SLC4A7: variants seen among roughly 807,000 people sequenced by gnomAD.
SLC4A7 encodes the protein solute carrier family 4 member 7.
SLC4A7 carries 51 observed loss-of-function variants against 137.6 expected under a neutral mutation model. The observed-to-expected ratio is 0.37, with a 90% CI of 0.30 to 0.47. SLC4A7 has a LOEUF of 0.47. Among genes scored for constraint, SLC4A7 ranks in the 20% least tolerant of loss-of-function variants. The pLI is 1.00. For synonymous variants in SLC4A7, 542 were observed against 518.6 expected (o/e 1.05, Z -0.61); for missense variants, 1,247 against 1,525.4 (o/e 0.82, Z 3.04).
At chr3:27,449,068 G>GT (rs1463519983) in intron 2 of SLC4A7, among the ~76,000 whole-genome samples, 6 of 150,868 alleles carry the variant, frequency 4.0e-5, no homozygotes, top group African/African-American at 1.5e-4. Flanking sequence ...TTTTGTTTTT[G>GT]TTTTTGTATT....
chr3:27,482,596 C>T (rs2059760926), intron 1 of SLC4A7, among the ~76,000 whole-genome samples: 1 of 152,026 alleles, frequency 6.6e-6, no homozygotes, highest in Non-Finnish European at 1.5e-5. Context: ...CATGGCAAAA[C>T]CCCGTCTCTA....
intron 8 of SLC4A7, 69 bp from the exon 9 acceptor site, chr3:27,421,848 G>A (rs2055012880): frequency 2.6e-6 from 3 of 1,172,996 alleles, no homozygotes; most frequent in South Asian, 1.5e-5. Context: ...AAACAGGAAA[G>A]AAAAACTGCT....
chr3:27,470,986 G>GA (rs1325492383), intron 1 of SLC4A7, among the ~76,000 whole-genome samples: 6 of 151,982 alleles, frequency 3.9e-5, no homozygotes, highest in African/African-American at 1.4e-4. Flanking sequence ...GCAAACCCTG[G>GA]AAAGAAACAC....
rs142027495 is a variant in SLC4A7 at position 27,424,069 on chromosome 3, T to C, written c.1234A>G (p.Ser412Gly). 2.5e-6 allele frequency: 4 copies of C among 1,609,188 alleles called. No homozygotes were observed. Among genetic ancestry groups the C allele is most frequent in the African/African-American group, 2.7e-5 (2 of 74,788 alleles). ...AAGTCAACAGTACTATTTTCTCTGC[T>C]TCCACCACTTCCATTACCTTTAATT... ...GEIKGNGSGG[S>G]RENSTVDFSK... The change falls in exon 8 of 26, where the codon AGC (serine) becomes GGC (glycine). Residue 412 changes from serine to glycine, a missense_variant. This residue lies in a region of SLC4A7 where 499 missense variants were observed against 664.2 expected (regional missense o/e 0.75). Coordinates refer to ENST00000454389, the MANE Select transcript of SLC4A7 (RefSeq NM_001321103.2).
intron 1 of SLC4A7, among the ~76,000 whole-genome samples, chr3:27,471,303 T>TA (rs2059236136): frequency 6.6e-6 from 1 of 152,216 alleles, no homozygotes; most frequent in Admixed American, 6.5e-5. Context: ...ATTTGGGGTA[T>TA]ATCCTTCCTG....
At chr3:27,385,828 C>T in intron 23 of SLC4A7, 64 bp downstream of exon 23, 1 of 1,129,944 alleles carries the variant, frequency 8.8e-7, no homozygotes, top group Non-Finnish European at 1.3e-6. Context: ...ATAATGGTGC[C>T]TGCAATATGG....
chr3:27,384,611 A>G (rs1011633650), intron 23 of SLC4A7, among the ~76,000 whole-genome samples: 2 of 152,182 alleles, frequency 1.3e-5, no homozygotes, highest in Non-Finnish European at 2.9e-5. Flanking sequence ...AGTAACAAAC[A>G]GGCAATTTGG....
chr3:27,413,254 T>C (rs1576304729), intron 11 of SLC4A7, among the ~76,000 whole-genome samples: 2 of 152,276 alleles, frequency 1.3e-5, no homozygotes, highest in Admixed American at 6.5e-5. Flanking sequence ...GTTTTACATA[T>C]ACCAATTTCC....
Position 27,429,133 on chromosome 3 carries a change from G to T in SLC4A7, c.1150+2165C>A, listed in dbSNP as rs528200542. Among the ~76,000 whole-genome samples, 70 of 152,046 alleles carry T rather than the reference G, an allele frequency of 4.6e-4. 1 individual carries two copies. Among genetic ancestry groups the T allele is most frequent in the African/African-American group, 1.6e-3 (67 of 41,474 alleles). On this transcript the variant is annotated intron_variant, in intron 7 of 25. Coordinates refer to ENST00000454389, the MANE Select transcript of SLC4A7 (RefSeq NM_001321103.2). ...ATACAAAAATTAGCCAGGCGTGGTG[G>T]TGCATGCCTGTAGTCCCAGCTACTT...
chr3:27,438,229 G>A (rs1012004077), intron 3 of SLC4A7, among the ~76,000 whole-genome samples: 8 of 150,572 alleles, frequency 5.3e-5, no homozygotes, highest in Non-Finnish European at 8.9e-5. Flanking sequence ...AAATGTGGCC[G>A]GGCACAGTGG....
Position 27,468,309 on chromosome 3 carries a change from T to C in SLC4A7, c.60+15758A>G, listed in dbSNP as rs537704886. On this transcript the variant is annotated intron_variant, in intron 1 of 25. Coordinates refer to ENST00000454389, the MANE Select transcript of SLC4A7 (RefSeq NM_001321103.2). ...TAATTAATGACATAATCCAAAAAAT[T>C]ATCTCCATAAGTTGTATATTAGGAT... 1.5e-3 allele frequency among the ~76,000 whole-genome samples: 225 copies of C among 152,302 alleles called. 1 individual carries two copies. The highest frequency in any genetic ancestry group is 2.1e-3 in the Non-Finnish European group (142 of 68,030).
chr3:27,408,402 C>G (rs1001649458), intron 13 of SLC4A7, among the ~76,000 whole-genome samples: 1 of 152,092 alleles, frequency 6.6e-6, no homozygotes, highest in Non-Finnish European at 1.5e-5. Context: ...AAAATATGGA[C>G]CTTTGATACA....
intron 6 of SLC4A7, among the ~76,000 whole-genome samples, chr3:27,433,388 G>C (rs1276563103): frequency 1.3e-5 from 2 of 152,116 alleles, no homozygotes; most frequent in African/African-American, 2.4e-5. Context: ...CACCAACAGA[G>C]GTAAACGACT....
intron 1 of SLC4A7, among the ~76,000 whole-genome samples, chr3:27,476,783 G>T (rs1203582776): frequency 6.6e-6 from 1 of 152,194 alleles, no homozygotes; most frequent in Non-Finnish European, 1.5e-5. Flanking sequence ...ACAGCCTGCA[G>T]AACTGTGAGT....
intron 1 of SLC4A7, among the ~76,000 whole-genome samples, chr3:27,483,794 G>T (rs2150780083): frequency 6.6e-6 from 1 of 151,938 alleles, no homozygotes; most frequent in Admixed American, 6.6e-5. Context: ...CGGGGATGTC[G>T]GGGTCCCGCC....
intron 7 of SLC4A7, among the ~76,000 whole-genome samples, chr3:27,430,303 A>C (rs1036965966): frequency 6.7e-6 from 1 of 149,302 alleles, no homozygotes; most frequent in Non-Finnish European, 1.5e-5. Context: ...AACTGCATGC[A>C]CACACACACA....
rs1409296195 is a variant in SLC4A7 at position 27,431,300 on chromosome 3, G to A, written c.1148C>T (p.Pro383Leu). 1.9e-6 allele frequency: 3 copies of A among 1,571,426 alleles called. No individual in the cohort carries two copies. In the African/African-American group the frequency reaches 4.1e-5, roughly 21 times the overall value. The stretch of plus-strand genomic sequence containing the variant: ...CATGGAGGATTTTGGATAGTTGCCT[G>A]GAGTTAAGTCAACATTTTCCTCATT... Reference protein sequence around the residue: ...QKNEENVDLTPGILASPQSAP... With the variant: ...QKNEENVDLTLGILASPQSAP... Residue 383 changes from proline to leucine, a missense_variant and splice_region_variant, in exon 7 of 26, where the codon CCA (proline) becomes CTA (leucine). By Grantham distance (98) the Pro-to-Leu change is moderately conservative. Coordinates refer to ENST00000454389, the MANE Select transcript of SLC4A7 (RefSeq NM_001321103.2).
In SLC4A7 at chr3:27,453,336, C is replaced by T. The variant is rs534714086; in HGVS notation, c.61-838G>A. Among the ~76,000 whole-genome samples the T allele has an allele frequency of 8.5e-5, 13 of 152,266 alleles. No individual in the cohort carries two copies. In the East Asian group the frequency reaches 1.2e-3, roughly 14 times the overall value. ...CCTTCCCTCAAAAAGTCTTTGAAGC[C>T]GGGCCTGGTTGCTCACGCCTATAAT... On this transcript the variant is annotated intron_variant, in intron 1 of 25. Transcript: ENST00000454389.
intron 23 of SLC4A7, among the ~76,000 whole-genome samples, chr3:27,384,916 G>A (rs2050784843): frequency 6.6e-6 from 1 of 151,962 alleles, no homozygotes; most frequent in Non-Finnish European, 1.5e-5. Context: ...ACTCCAGCCT[G>A]GGCCACAGAG....
Sources: allele counts gnomAD v4.1 joint callset (sites outside exome capture counted in the v4.1 genomes callset), GRCh38; gene constraint gnomAD v4.1.1; regional missense constraint gnomAD v4.1.1; transcripts MANE v1.5; gene names NCBI Gene and HGNC (gene_info 2026-07-23, HGNC 2026-07-21).